CCNT1: variants seen among roughly 807,000 people sequenced by gnomAD.
The protein encoded by CCNT1 is cyclin T1.
A neutral mutation model predicts 67.3 loss-of-function variants in CCNT1; 18 were observed. The observed-to-expected ratio is 0.27, with a 90% CI of 0.18 to 0.40. CCNT1 has a LOEUF of 0.40. Among genes scored for constraint, CCNT1 ranks in the 10% least tolerant of loss-of-function variants. The pLI, the probability that CCNT1 is intolerant of heterozygous loss-of-function variation, is 1.00. For missense variants in CCNT1, 744 were observed against 884.9 expected (o/e 0.84, Z 2.02); for synonymous variants, 333 against 310.3 (o/e 1.07, Z -0.77).
chr12:48,711,831 C>T (rs192452569), intron 2 of CCNT1, among the ~76,000 whole-genome samples: 11 of 152,312 alleles, frequency 7.2e-5, no homozygotes, highest in Admixed American at 3.9e-4. Context: ...CTCATTCTGT[C>T]GCCCAGGCTG....
In CCNT1 at chr12:48,693,650, TATGATGATGATG is replaced by T. The variant is rs371197465; in HGVS notation, c.1552_1563del (p.His518_His521del). 1 of 1,613,950 alleles carries T rather than the reference TATGATGATGATG, an allele frequency of 6.2e-7. No individual in the cohort carries two copies. The stretch of plus-strand genomic sequence containing the variant: ...TGAGAGTGCTTGTGTGAGTGGTGAT[TATGATGATGATG>T]ATGATTAGATGGGTGAGTCTTGTGC... On this transcript the variant is annotated inframe_deletion, in exon 9 of 9. Transcript: ENST00000261900.
Position 48,691,252 on chromosome 12 carries a change from A to G in CCNT1, c.*1781T>C, listed in dbSNP as rs1460900205. 1 of 152,174 alleles carries G rather than the reference A, an allele frequency of 6.6e-6. No individual in the cohort carries two copies. The highest frequency in any genetic ancestry group is 1.5e-5 in the Non-Finnish European group (1 of 68,032). The allele number at this position is 152,174 out of a possible 1,614,324, so 9.4% of individuals were successfully genotyped here. A position where few individuals can be genotyped will look rare whatever the true frequency, so the allele number is the denominator to read the frequency against. On this transcript the variant is annotated 3_prime_UTR_variant, in exon 9 of 9. Coordinates refer to ENST00000261900, the MANE Select transcript of CCNT1 (RefSeq NM_001240.4). Reference sequence around the variant, plus strand: ...TCTATATTAGGCCAGTACATCATCAATTCCAACAGCCACAATTTTCTTCCC... The same window carrying G: ...TCTATATTAGGCCAGTACATCATCAGTTCCAACAGCCACAATTTTCTTCCC...
chr12:48,700,318 CAAAAAAAAA>C (rs372908471), intron 4 of CCNT1, among the ~76,000 whole-genome samples: 1,556 of 82,292 alleles, frequency 0.019, 21 homozygotes, highest in African/African-American at 0.074. Flanking sequence ...GACTCCGTCT[CAAAAAAAAA>C]AAAAAAAGAA....
rs76614529 is a variant in CCNT1, at chr12:48,695,413, G to A, written c.777+346C>T. Among the ~76,000 whole-genome samples the A allele has an allele frequency of 8.0e-3, 1,223 of 152,066 alleles. 15 individuals carry two copies. The highest frequency in any genetic ancestry group is 0.028 in the African/African-American group (1,154 of 41,470). On this transcript the variant is annotated intron_variant, in intron 8 of 8. Coordinates refer to ENST00000261900, the MANE Select transcript of CCNT1 (RefSeq NM_001240.4). ...ATGTCAAACACAAAACTGTGATACC[G>A]GCTCTAACCTTGTAATTCTCTATCT...
chr12:48,695,703 T>C (rs374529077), intron 8 of CCNT1, 56 bp downstream of exon 8: 3 of 1,173,282 alleles, frequency 2.6e-6, no homozygotes, highest in African/African-American at 3.0e-5. Context: ...GTATATTCAC[T>C]GGTGCAGTCA....
rs1490556413 is a variant in CCNT1 at position 48,702,910 on chromosome 12, C to CA, written c.373-1838dup. 4.0e-5 allele frequency among the ~76,000 whole-genome samples: 6 copies of CA among 151,782 alleles called. 1 individual carries two copies. The highest frequency in any genetic ancestry group is 3.9e-4 in the Admixed American group (6 of 15,242). The stretch of plus-strand genomic sequence containing the variant: ...CAGTATGGGAGGATTCTTTGAAGGC[C>CA]AAGAGTTCAAGACCAGCCTGGGTAA... On this transcript the variant is annotated intron_variant, in intron 3 of 8. Coordinates refer to ENST00000261900, the MANE Select transcript of CCNT1 (RefSeq NM_001240.4).
chr12:48,699,822 T>C lies in CCNT1; in HGVS notation c.452A>G (p.Asp151Gly), dbSNP rs1363046022. ...CTTTACTACATGAGTATGTGGGTGA[T>C]CAATTGTTAGTTCAAAGCCTTAAAA... ...LQTLGFELTI[D>G]HPHTHVVKCT... Residue 151 changes from aspartate to glycine, a missense_variant, in exon 5 of 9, where the codon GAT (aspartate) becomes GGT (glycine). Asp to Gly is a moderately conservative substitution (Grantham distance 94). Coordinates refer to ENST00000261900, the MANE Select transcript of CCNT1 (RefSeq NM_001240.4). 6.2e-7 allele frequency: 1 copy of C among 1,606,604 alleles called. No homozygotes were observed. The highest frequency in any genetic ancestry group is 1.1e-5 in the South Asian group (1 of 89,922).
At chr12:48,701,492 T>C (rs1217548861) in intron 3 of CCNT1, among the ~76,000 whole-genome samples, 2 of 152,154 alleles carry the variant, frequency 1.3e-5, no homozygotes, top group East Asian at 3.8e-4. Context: ...TAACAGTTTA[T>C]ATATGGCTAC....
rs770202413 is a variant in CCNT1, at chr12:48,693,611, C to A, written c.1603G>T (p.Val535Phe). 3 of 1,614,038 alleles carry A rather than the reference C, an allele frequency of 1.9e-6. No homozygotes were observed. Among genetic ancestry groups the A allele is most frequent in the Admixed American group, 1.7e-5 (1 of 60,008 alleles). ...SHKHSHSQLP[V>F]GTGNKRPGDP... ...CCAGGACGTTTGTTCCCAGTACCAA[C>A]TGGAAGTTGGGAATGAGAGTGCTTG... The change falls in exon 9 of 9, where the codon GTT becomes TTT. Residue 535 changes from valine to phenylalanine, a missense_variant. Val to Phe is a conservative substitution (Grantham distance 50). Around this residue, in one of 3 missense-constraint regions of CCNT1, gnomAD observed 564 missense variants for 574.2 expected, o/e 0.98. Coordinates refer to ENST00000261900, the MANE Select transcript of CCNT1 (RefSeq NM_001240.4).
Position 48,714,916 on chromosome 12 carries a change from G to A in CCNT1, c.162-392C>T, listed in dbSNP as rs545412032. Among the ~76,000 whole-genome samples, 161 of 152,224 alleles carry A rather than the reference G, an allele frequency of 1.1e-3. 2 individuals are homozygous for A. Among genetic ancestry groups the A allele is most frequent in the African/African-American group, 3.6e-3 (150 of 41,548 alleles). On this transcript the variant is annotated intron_variant, in intron 1 of 8. Coordinates refer to ENST00000261900, the MANE Select transcript of CCNT1 (RefSeq NM_001240.4). Reference sequence around the variant, plus strand: ...AAACCTCTACCTCCCAAATTCAAGCGATTCTCCTGCCTCAGCTTCCCCAGT... The same window carrying A: ...AAACCTCTACCTCCCAAATTCAAGCAATTCTCCTGCCTCAGCTTCCCCAGT...
chr12:48,703,687 G>A lies in CCNT1; in HGVS notation c.372+2081C>T, dbSNP rs550285899. On this transcript the variant is annotated intron_variant, in intron 3 of 8. Coordinates refer to ENST00000261900, the MANE Select transcript of CCNT1 (RefSeq NM_001240.4). ...GCAGTGGCTCACGCCTGTAATCCCAGCACTTGGGAGGCCAAGGTGGGCGAA... is the reference window on the plus strand; with the variant it reads ...GCAGTGGCTCACGCCTGTAATCCCAACACTTGGGAGGCCAAGGTGGGCGAA... Among the ~76,000 whole-genome samples the A allele has an allele frequency of 1.4e-4, 21 of 152,188 alleles. No individual in the cohort carries two copies. The East Asian group carries it at 3.9e-3, about 28-fold the overall frequency.
At chr12:48,705,945 T>C (rs1454848680) in intron 2 of CCNT1, 49 bp from the exon 3 acceptor site, 3 of 1,534,506 alleles carry the variant, frequency 2.0e-6, no homozygotes, top group South Asian at 2.4e-5. Context: ...TATTCATTCA[T>C]AGAGTAAGGT....
chr12:48,697,959 A>C, intron 6 of CCNT1, 179 bp downstream of exon 6: 1 of 424,874 alleles, frequency 2.4e-6, no homozygotes, highest in Non-Finnish European at 4.3e-6. Context: ...CAAAAAAATC[A>C]GTACTAAATA....
chr12:48,693,946 T>A lies in CCNT1; in HGVS notation c.1268A>T (p.Gln423Leu). The change falls in exon 9 of 9, where the codon CAG (glutamine) becomes CTG (leucine). Residue 423 changes from glutamine to leucine, a missense_variant. Around this residue, in one of 3 missense-constraint regions of CCNT1, gnomAD observed 564 missense variants for 574.2 expected, o/e 0.98. Transcript: ENST00000261900. ...NVKSQYAYAA[Q>L]NLLSHHDSHS... ...GCTATCATGATGAGAAAGGAGATTC[T>A]GGGCAGCATATGCATATTGTGACTT... The A allele has an allele frequency of 6.2e-7, 1 of 1,614,222 alleles. No homozygotes were observed. The highest frequency in any genetic ancestry group is 8.5e-7 in the Non-Finnish European group (1 of 1,180,040).
At chr12:48,697,534 A>AAATAT (rs1288926072) in intron 6 of CCNT1, among the ~76,000 whole-genome samples, 30 of 130,684 alleles carry the variant, frequency 2.3e-4, no homozygotes, top group Non-Finnish European at 3.5e-4. Context: ...AAAAAAAAAA[A>AAATAT]ATATATATAT....
In CCNT1 at chr12:48,693,595, T is replaced by C. The variant is rs771162889; in HGVS notation, c.1619A>G (p.Lys540Arg). The C allele has an allele frequency of 4.3e-6, 7 of 1,614,152 alleles. No homozygotes were observed. The highest frequency in any genetic ancestry group is 4.5e-5 in the East Asian group (2 of 44,884). ...ACTATGTTTTGGATCACCAGGACGT[T>C]TGTTCCCAGTACCAACTGGAAGTTG... ...HSQLPVGTGN[K>R]RPGDPKHSSQ... The change falls in exon 9 of 9, where the codon AAA becomes AGA. Residue 540 changes from lysine (K) to arginine (R), a missense_variant. Around this residue, in one of 3 missense-constraint regions of CCNT1, gnomAD observed 564 missense variants for 574.2 expected, o/e 0.98. Transcript: ENST00000261900.
At position 48,693,887 on chromosome 12, in the gene CCNT1, C is replaced by T. The variant is rs1161348111; in HGVS notation, c.1327G>A (p.Gly443Ser). ...AAAGGCCGCTCGGGGTTTTCTGAAC[C>T]CTCTATGGGCATTTTTAGAATGACT... is the stretch of plus-strand genomic sequence containing the variant. ...SSVILKMPIE[G>S]SENPERPFLE... Residue 443 changes from glycine (G) to serine (S), a missense_variant, in exon 9 of 9, where the codon GGT becomes AGT. Transcript: ENST00000261900. The T allele has an allele frequency of 6.2e-7, 1 of 1,614,010 alleles. No individual in the cohort carries two copies. The highest frequency in any genetic ancestry group is 2.2e-5 in the East Asian group (1 of 44,870).
In CCNT1 at chr12:48,714,530, G is replaced by A. The variant is rs1256344197; in HGVS notation, c.162-6C>T. 6.3e-7 allele frequency: 1 copy of A among 1,595,140 alleles called. No individual in the cohort carries two copies. The highest frequency in any genetic ancestry group is 8.6e-7 in the Non-Finnish European group (1 of 1,163,094). ...TGTTGATAGTCAATTGTGAGCTGAA[G>A]TGTTCAAGTTAAGATCCAAAAACAG... On this transcript the variant is annotated splice_region_variant and splice_polypyrimidine_tract_variant and intron_variant, in intron 1 of 8. Transcript: ENST00000261900.
chr12:48,693,308 G>T lies in CCNT1; in HGVS notation c.1906C>A (p.His636Asn). ...GTGGGCCCTTTATCCAGTTTCGAAT[G>T]AGGGACACGAGTTTTACAGCTGGGC... The part of the protein sequence containing the change: ...SQPSCKTRVP[H>N]SKLDKGPTGA... Residue 636 changes from histidine to asparagine, a missense_variant, in exon 9 of 9, where the codon CAT becomes AAT. Physicochemically the swap from His to Asn is moderately conservative, Grantham distance 68. Transcript: ENST00000261900. 6.2e-7 allele frequency: 1 copy of T among 1,614,218 alleles called. No homozygotes were observed. The highest frequency in any genetic ancestry group is 8.5e-7 in the Non-Finnish European group (1 of 1,180,040).
Sources: allele counts gnomAD v4.1 joint callset (sites outside exome capture counted in the v4.1 genomes callset), GRCh38; gene constraint gnomAD v4.1.1; regional missense constraint gnomAD v4.1.1; transcripts MANE v1.5; gene names NCBI Gene and HGNC (gene_info 2026-07-23, HGNC 2026-07-21).